The following ATCAY variants were observed in gnomAD, a reference collection of about 807,000 sequenced individuals.
ATCAY encodes ATCAY kinesin light chain interacting caytaxin, also known as caytaxin.
In ATCAY, 22 loss-of-function variants were observed where a neutral mutation model predicts 47.7. The ratio of observed to expected loss-of-function variants is 0.46; its 90% CI spans 0.33 to 0.66. The LOEUF (loss-of-function observed/expected upper bound fraction) is 0.66, where lower values mean the gene tolerates loss of function less well. Among genes scored for constraint, ATCAY ranks in the 30% least tolerant of loss-of-function variants. The pLI, the probability that ATCAY is intolerant of heterozygous loss-of-function variation, is 0.02. For synonymous variants in ATCAY, 216 were observed against 207.6 expected (o/e 1.04, Z -0.35); for missense variants, 452 against 515.0 (o/e 0.88, Z 1.18).
intron 2 of ATCAY, among the ~76,000 whole-genome samples, chr19:3,901,881 G>C (rs1230109457): frequency 3.3e-5 from 5 of 152,076 alleles, no homozygotes; most frequent in African/African-American, 9.7e-5. Context: ...TGTAGTCCCA[G>C]TTTACTTAGG....
At chr19:3,885,109 T>TTTA (rs1555765610) in intron 1 of ATCAY, among the ~76,000 whole-genome samples, 3 of 70,326 alleles carry the variant, frequency 4.3e-5, no homozygotes, top group African/African-American at 5.4e-5. Context: ...TTTTTTTTTT[T>TTTA]AAAAAAAAAA....
chr19:3,908,192 G>A (rs1049070687), intron 5 of ATCAY, 76 bp from the exon 6 acceptor site: 133 of 1,303,460 alleles, frequency 1.0e-4, no homozygotes, highest in Non-Finnish European at 1.4e-4. Flanking sequence ...GCACCGGGAC[G>A]TGGTGGGTGG....
intron 2 of ATCAY, among the ~76,000 whole-genome samples, chr19:3,899,798 G>C (rs1009220062): frequency 1.3e-5 from 2 of 152,102 alleles, no homozygotes; most frequent in Non-Finnish European, 2.9e-5. Context: ...TGTTCTGCCC[G>C]GAATGGAATA....
chr19:3,887,706 TCGATCGTC>T (rs1274208884), intron 2 of ATCAY, among the ~76,000 whole-genome samples: 2 of 150,188 alleles, frequency 1.3e-5, no homozygotes, highest in Non-Finnish European at 3.0e-5. Flanking sequence ...CAGGATGGTC[TCGATCGTC>T]TGACCTCGTG....
chr19:3,893,967 C>T (rs2038742104), intron 2 of ATCAY, among the ~76,000 whole-genome samples: 1 of 152,070 alleles, frequency 6.6e-6, no homozygotes, highest in Non-Finnish European at 1.5e-5. Flanking sequence ...TATTCCAGTC[C>T]CGGAGCCTGG....
At chr19:3,913,648 C>A in intron 8 of ATCAY, 110 bp from the exon 9 acceptor site, 1 of 768,944 alleles carries the variant, frequency 1.3e-6, no homozygotes, top group Non-Finnish European at 2.2e-6. Flanking sequence ...CTGGGGCATC[C>A]TGGAGTGGGG....
rs1377641702 is a variant in ATCAY, at chr19:3,926,209, G to A, written c.*1617G>A. 6.6e-6 allele frequency: 1 copy of A among 152,030 alleles called. No homozygotes were observed. Among genetic ancestry groups the A allele is most frequent in the African/African-American group, 2.4e-5 (1 of 41,356 alleles). 9.4% of individuals were successfully genotyped at this position (152,030 alleles called of 1,614,324 possible). On this transcript the variant is annotated 3_prime_UTR_variant, in exon 13 of 13. Coordinates refer to ENST00000450849, the MANE Select transcript of ATCAY (RefSeq NM_033064.5). The stretch of plus-strand genomic sequence containing the variant: ...TAATCCCAGCTACTCGGGAGGCTGA[G>A]GCAGGAGAACTGCTTGAACCCAGGA...
intron 11 of ATCAY, among the ~76,000 whole-genome samples, chr19:3,919,247 G>A (rs1352554579): frequency 1.3e-5 from 2 of 149,036 alleles, no homozygotes; most frequent in Non-Finnish European, 3.0e-5. Flanking sequence ...CACTGCACTC[G>A]GCGACAAAGT....
chr19:3,912,825 T>C (rs1244843925), intron 8 of ATCAY, among the ~76,000 whole-genome samples: 4 of 151,478 alleles, frequency 2.6e-5, no homozygotes, highest in African/African-American at 9.7e-5. Context: ...GTCGAGGCTG[T>C]AGTGAGCCAT....
chr19:3,920,731 G>A (rs369483033), intron 11 of ATCAY, 35 bp from the exon 12 acceptor site: 220 of 1,539,924 alleles, frequency 1.4e-4, no homozygotes, highest in Non-Finnish European at 1.9e-4. Flanking sequence ...CCAAAAATAA[G>A]CAAATAACGC....
rs2038991193 is a variant in ATCAY at position 3,918,867 on chromosome 19, G to C, written c.1063G>C (p.Val355Leu). Residue 355 changes from valine (V) to leucine (L), a missense_variant, in exon 11 of 13, where the codon GTG (valine) becomes CTG (leucine). Coordinates refer to ENST00000450849, the MANE Select transcript of ATCAY (RefSeq NM_033064.5). The part of the protein sequence containing the change: ...RSEEKPEVAP[V>L]ENRSALVSED... ...TGAAGAGAAGCCAGAGGTGGCACCA[G>C]TGGAAAACAGGTAGGTGTGCAGGGG... The C allele has an allele frequency of 6.2e-7, 1 of 1,614,030 alleles. No homozygotes were observed.
intron 4 of ATCAY, among the ~76,000 whole-genome samples, chr19:3,906,985 G>A (rs1219579655): frequency 2.0e-5 from 3 of 151,226 alleles, no homozygotes; most frequent in East Asian, 2.0e-4. Flanking sequence ...TAAAAATACA[G>A]AAATTAGCCG....
Position 3,924,656 on chromosome 19 carries a change from C to T in ATCAY, c.*64C>T, listed in dbSNP as rs952866701. ...CAGATGCCAGAAAACCTCTGTCAGA[C>T]GCCCACTGGCCCCAGATCTCATCCT... On this transcript the variant is annotated 3_prime_UTR_variant, in exon 13 of 13. Transcript: ENST00000450849. 5.6e-4 allele frequency: 880 copies of T among 1,583,652 alleles called. 2 individuals are homozygous for T. Among genetic ancestry groups the T allele is most frequent in the Non-Finnish European group, 4.6e-4 (526 of 1,155,654 alleles).
intron 6 of ATCAY, among the ~76,000 whole-genome samples, chr19:3,908,746 C>T (rs1450301123): frequency 1.7e-5 from 2 of 115,350 alleles, no homozygotes; most frequent in Non-Finnish European, 3.7e-5. Flanking sequence ...CCTCCTCCCC[C>T]TCTTCCCCTT....
At chr19:3,908,425 C>T (rs1379118380) in intron 6 of ATCAY, 55 bp downstream of exon 6, 22 of 1,422,210 alleles carry the variant, frequency 1.5e-5, no homozygotes, top group South Asian at 1.2e-5. Flanking sequence ...CCTCCCTGGC[C>T]ACAGGGGCAC....
chr19:3,888,316 G>A (rs1287232480), intron 2 of ATCAY, among the ~76,000 whole-genome samples: 3 of 152,110 alleles, frequency 2.0e-5, no homozygotes, highest in East Asian at 1.9e-4. Flanking sequence ...GGTGTGTTCC[G>A]CCTGAAAAAG....
intron 3 of ATCAY, 128 bp from the exon 4 acceptor site, chr19:3,905,306 A>C (rs1370907176): frequency 1.4e-5 from 13 of 909,062 alleles, no homozygotes; most frequent in Non-Finnish European, 2.1e-5. Flanking sequence ...AATGGCATGG[A>C]TACAGAAGGG....
intron 2 of ATCAY, among the ~76,000 whole-genome samples, chr19:3,892,776 CGG>C (rs2038729474): frequency 6.6e-6 from 1 of 151,910 alleles, no homozygotes; most frequent in Admixed American, 6.6e-5. Flanking sequence ...GGTGTGGTGG[CGG>C]GCACCTGTAA....
intron 2 of ATCAY, among the ~76,000 whole-genome samples, chr19:3,890,247 A>ATTTTTTTTTTT (rs764697276): frequency 2.6e-5 from 1 of 38,550 alleles, no homozygotes; most frequent in African/African-American, 1.3e-4. Context: ...TCCACCTATA[A>ATTTTTTTTTTT]TTTTTTTTTT....
Sources: gnomAD v4.1 joint callset for allele counts (sites outside exome capture counted in the v4.1 genomes callset) on GRCh38, gnomAD v4.1.1 for gene constraint, MANE v1.5 for transcripts, NCBI Gene and HGNC (gene_info 2026-07-23, HGNC 2026-07-21) for gene names.